The following DCC variants were observed in gnomAD, a reference collection of about 807,000 sequenced individuals.
DCC encodes the protein DCC netrin 1 receptor.
DCC carries 58 observed loss-of-function variants against 172.5 expected under a neutral mutation model. That is an observed-to-expected ratio of 0.34 (90% confidence interval 0.27 to 0.42). The LOEUF (loss-of-function observed/expected upper bound fraction) is 0.42, where lower values mean the gene tolerates loss of function less well. DCC is among the 10% of genes least tolerant of loss of function. The pLI is 1.00. For synonymous variants in DCC, 709 were observed against 644.5 expected, an observed-to-expected ratio of 1.10 and a Z score of -1.52; for missense variants, 1,740 against 1,791.0, an observed-to-expected ratio of 0.97 and a Z score of 0.51.
At chr18:52,919,635 C>CTTT (rs11309864) in intron 3 of DCC, among the ~76,000 whole-genome samples, 6,188 of 148,512 alleles carry the variant, frequency 0.042, 173 homozygotes, top group Non-Finnish European at 0.062. Flanking sequence ...GTCGATGGTT[C>CTTT]TTTTTTTTTT....
At chr18:52,922,240 T>A (rs1598932988) in intron 3 of DCC, among the ~76,000 whole-genome samples, 2 of 152,282 alleles carry the variant, frequency 1.3e-5, no homozygotes, top group East Asian at 1.9e-4. Flanking sequence ...ACTGAGAAAG[T>A]GTGAAATTTT....
rs181126945 is a variant in DCC, at chr18:52,585,446, C to T, written c.92-166608C>T. ...AGTCAAAGGAAGCTTCTGTTCATAG[C>T]AGTAAAAATAATGAACAATTATACA... On this transcript the variant is annotated intron_variant, in intron 1 of 28. Coordinates refer to ENST00000442544, the MANE Select transcript of DCC (RefSeq NM_005215.4). Among the ~76,000 whole-genome samples, 225 of 152,258 alleles carry T rather than the reference C, an allele frequency of 1.5e-3. 8 individuals carry two copies. The highest frequency in any genetic ancestry group is 0.014 in the Admixed American group (213 of 15,286).
intron 5 of DCC, among the ~76,000 whole-genome samples, chr18:53,034,389 T>A (rs958801214): frequency 1.3e-5 from 2 of 152,082 alleles, no homozygotes; most frequent in Non-Finnish European, 2.9e-5. Flanking sequence ...ATGCATTATT[T>A]CTTTGTTCAG....
At chr18:53,057,011 G>C (rs1451272348) in intron 5 of DCC, among the ~76,000 whole-genome samples, 1 of 139,594 alleles carries the variant, frequency 7.2e-6, no homozygotes, top group Non-Finnish European at 1.5e-5. Flanking sequence ...TTTTAAAATT[G>C]ACCCATATTT....
intron 12 of DCC, among the ~76,000 whole-genome samples, chr18:53,303,898 G>T (rs1044730018): frequency 6.6e-6 from 1 of 152,136 alleles, no homozygotes; most frequent in African/African-American, 2.4e-5. Flanking sequence ...AAATGTGGGG[G>T]ATTTTATTGC....
At chr18:52,749,352 TG>T (rs1011192944) in intron 1 of DCC, among the ~76,000 whole-genome samples, 4 of 152,184 alleles carry the variant, frequency 2.6e-5, no homozygotes, top group African/African-American at 9.7e-5. Context: ...TGGGTTTCAC[TG>T]GGGACCCACC....
At chr18:52,880,542 C>T (rs550454798) in intron 2 of DCC, among the ~76,000 whole-genome samples, 1 of 152,290 alleles carries the variant, frequency 6.6e-6, no homozygotes, top group Admixed American at 6.5e-5. Context: ...GGTAACCATC[C>T]TTCTAATCTA....
intron 5 of DCC, among the ~76,000 whole-genome samples, chr18:53,062,250 T>C (rs2144076972): frequency 6.6e-6 from 1 of 152,208 alleles, no homozygotes; most frequent in East Asian, 1.9e-4. Flanking sequence ...CCATCAAAGA[T>C]TGGACATTAG....
At chr18:52,945,739 G>C (rs1253025827) in intron 5 of DCC, among the ~76,000 whole-genome samples, 1 of 150,320 alleles carries the variant, frequency 6.7e-6, no homozygotes, top group Non-Finnish European at 1.5e-5. Flanking sequence ...AGCTGACACA[G>C]CCTCCCCCAA....
At chr18:52,615,771 G>T (rs750168313) in intron 1 of DCC, among the ~76,000 whole-genome samples, 4 of 152,132 alleles carry the variant, frequency 2.6e-5, no homozygotes, top group Non-Finnish European at 5.9e-5. Flanking sequence ...AGCCTGTAAA[G>T]ATTACTGAAA....
chr18:53,198,111 G>A (rs1199944245), intron 9 of DCC, among the ~76,000 whole-genome samples: 1 of 152,046 alleles, frequency 6.6e-6, no homozygotes, highest in Non-Finnish European at 1.5e-5. Flanking sequence ...CTGTTATAAA[G>A]TAATTAACAA....
intron 12 of DCC, among the ~76,000 whole-genome samples, chr18:53,218,624 A>G (rs1189296808): frequency 6.6e-6 from 1 of 152,116 alleles, no homozygotes; most frequent in African/African-American, 2.4e-5. Flanking sequence ...TGACTTACAC[A>G]TGTTACATGT....
chr18:52,417,916 G>A (rs992052810), intron 1 of DCC, among the ~76,000 whole-genome samples: 1 of 152,228 alleles, frequency 6.6e-6, no homozygotes, highest in African/African-American at 2.4e-5. Flanking sequence ...TGCTGGTGAG[G>A]AACTGCGTTC....
At chr18:53,097,575 G>A (rs2043104960) in intron 7 of DCC, among the ~76,000 whole-genome samples, 1 of 152,020 alleles carries the variant, frequency 6.6e-6, no homozygotes, top group South Asian at 2.1e-4. Context: ...ATCTTTTAAG[G>A]CTCAAAACGT....
chr18:52,525,623 T>C (rs770556441), intron 1 of DCC, among the ~76,000 whole-genome samples: 2 of 152,226 alleles, frequency 1.3e-5, no homozygotes, highest in South Asian at 2.1e-4. Flanking sequence ...TAGACTCTGG[T>C]CAATTACCTA....
At chr18:53,523,542 A>T (rs1034201016) in intron 27 of DCC, among the ~76,000 whole-genome samples, 5 of 152,214 alleles carry the variant, frequency 3.3e-5, no homozygotes, top group African/African-American at 9.6e-5. Context: ...GATAAAGAAA[A>T]TGTGGCACAT....
At chr18:53,210,809 T>C (rs990756324) in intron 11 of DCC, among the ~76,000 whole-genome samples, 8 of 152,204 alleles carry the variant, frequency 5.3e-5, no homozygotes, top group African/African-American at 1.4e-4. Flanking sequence ...TGTTTTTTTT[T>C]CCCTGTTCTA....
intron 1 of DCC, among the ~76,000 whole-genome samples, chr18:52,579,117 C>G (rs1007071703): frequency 6.6e-6 from 1 of 152,190 alleles, no homozygotes; most frequent in African/African-American, 2.4e-5. Context: ...AGCACTTCCT[C>G]TTAGTCTTTG....
intron 12 of DCC, among the ~76,000 whole-genome samples, chr18:53,284,556 A>G (rs569453574): frequency 3.7e-4 from 56 of 152,264 alleles, no homozygotes; most frequent in African/African-American, 1.3e-3. Flanking sequence ...TGTAAGTCCA[A>G]TAAACCTCTT....
Sources: allele counts gnomAD v4.1 joint callset (sites outside exome capture counted in the v4.1 genomes callset), GRCh38; gene constraint gnomAD v4.1.1; transcripts MANE v1.5; gene names NCBI Gene and HGNC (gene_info 2026-07-23, HGNC 2026-07-21).